Variants in CAST observed in about 807,000 individuals in gnomAD.
CAST encodes the protein MIR583 host.
A neutral mutation model predicts 119.6 loss-of-function variants in CAST; 76 were observed. That is an observed-to-expected ratio of 0.64 (90% confidence interval 0.53 to 0.77). The LOEUF (loss-of-function observed/expected upper bound fraction) is 0.77. Among genes scored for constraint, CAST ranks in the 30% least tolerant of loss-of-function variants. The probability of loss-of-function intolerance (pLI) is 0.00; values close to 1 mark genes in which losing one functional copy is unlikely to be tolerated. For missense variants in CAST, 953 were observed against 946.5 expected (o/e 1.01, Z -0.09); for synonymous variants, 319 against 331.6 (o/e 0.96, Z 0.41).
chr5:96,692,819 T>C (rs1752883864), intron 2 of CAST, among the ~76,000 whole-genome samples: 1 of 152,236 alleles, frequency 6.6e-6, no homozygotes, highest in Non-Finnish European at 1.5e-5. Context: ...GCTGAGTCTT[T>C]CTACTGGAAT....
the CAST span, among the ~76,000 whole-genome samples, chr5:96,431,176 C>T: frequency 1.3e-5 from 2 of 152,152 alleles, no homozygotes; most frequent in African/African-American, 4.8e-5. Flanking sequence ...CTCTGCTACT[C>T]ATACCCTCTT....
the CAST span, among the ~76,000 whole-genome samples, chr5:96,515,427 C>T: frequency 6.6e-6 from 1 of 151,968 alleles, no homozygotes; most frequent in Non-Finnish European, 1.5e-5. Flanking sequence ...TTGACAATGG[C>T]AGCTACACAG....
At chr5:96,213,601 T>A in the CAST span, 3 of 152,120 alleles carry the variant, frequency 2.0e-5, no homozygotes, top group African/African-American at 7.2e-5. Flanking sequence ...TTGGGCAATG[T>A]AGTGAGATCC....
chr5:96,705,804 G>A (rs1245497886), intron 3 of CAST, among the ~76,000 whole-genome samples: 1 of 152,100 alleles, frequency 6.6e-6, no homozygotes. Flanking sequence ...TGATAATGTA[G>A]CTATGACGTA....
the CAST span, among the ~76,000 whole-genome samples, chr5:96,244,547 A>G: frequency 6.6e-6 from 1 of 152,174 alleles, no homozygotes; most frequent in Non-Finnish European, 1.5e-5. Context: ...TAGATACCGG[A>G]CATTATTTGG....
chr5:96,425,711 T>A, the CAST span: 1 of 691,790 alleles, frequency 1.4e-6, no homozygotes, highest in Non-Finnish European at 2.6e-6. Flanking sequence ...TATAGCTCCC[T>A]ATGAAATTCT....
At chr5:96,256,828 G>A in the CAST span, among the ~76,000 whole-genome samples, 1 of 152,050 alleles carries the variant, frequency 6.6e-6, no homozygotes, top group Non-Finnish European at 1.5e-5. Context: ...TAAGCCTAAT[G>A]TTGTATTCCC....
chr5:96,196,797 T>C, the CAST span, among the ~76,000 whole-genome samples: 25,639 of 151,842 alleles, frequency 0.17, 3,548 homozygotes, highest in African/African-American at 0.37. Flanking sequence ...AATCAGGGAG[T>C]GAAATACCTT....
At chr5:96,585,322 A>T (rs187771) in intron 1 of CAST, among the ~76,000 whole-genome samples, 3 of 152,028 alleles carry the variant, frequency 2.0e-5, no homozygotes. Context: ...CCCACCTCCA[A>T]GTTTACTACC....
chr5:96,060,823 G>A, the CAST span, among the ~76,000 whole-genome samples: 1 of 152,080 alleles, frequency 6.6e-6, no homozygotes, highest in Non-Finnish European at 1.5e-5. Flanking sequence ...TAGACTGGGT[G>A]GCTTAAACAA....
chr5:96,043,341 AATT>A, the CAST span, among the ~76,000 whole-genome samples: 3 of 152,330 alleles, frequency 2.0e-5, no homozygotes, highest in African/African-American at 7.2e-5. Flanking sequence ...ATCAAATTGA[AATT>A]ATTTAAAACA....
At chr5:96,026,844 G>T in the CAST span, among the ~76,000 whole-genome samples, 315 of 152,146 alleles carry the variant, frequency 2.1e-3, 4 homozygotes, top group Non-Finnish European at 3.0e-3. Context: ...GATATGCTTA[G>T]TATTTGCAAA....
At chr5:96,528,300 T>C (rs894702961), upstream of CAST, among the ~76,000 whole-genome samples, 1 of 152,186 alleles carries the variant, frequency 6.6e-6, no homozygotes, top group Non-Finnish European at 1.5e-5. Flanking sequence ...AGTGTCATCC[T>C]GGGCTTAGAT....
At chr5:96,770,825 A>T (rs1772029951) in intron 30 of CAST, among the ~76,000 whole-genome samples, 1 of 152,096 alleles carries the variant, frequency 6.6e-6, no homozygotes, top group South Asian at 2.1e-4. Context: ...TCTTGACACA[A>T]CCCAATTTGC....
the CAST span, chr5:96,408,346 GA>G: frequency 6.4e-7 from 1 of 1,565,530 alleles, no homozygotes. Context: ...AGGAAGGAGA[GA>G]AAGGCAGGGA....
At chr5:96,519,759 A>G in the CAST span, among the ~76,000 whole-genome samples, 1 of 152,024 alleles carries the variant, frequency 6.6e-6, no homozygotes, top group African/African-American at 2.4e-5. Flanking sequence ...GGTGCTCGTG[A>G]TCATGCTTTG....
chr5:96,664,863 T>C (rs1300404773), intron 1 of CAST, among the ~76,000 whole-genome samples: 1 of 152,184 alleles, frequency 6.6e-6, no homozygotes, highest in Non-Finnish European at 1.5e-5. Context: ...TCAATTTGCT[T>C]TGAGTCATTA....
upstream of CAST, among the ~76,000 whole-genome samples, chr5:96,525,620 T>C (rs926326053): frequency 2.0e-5 from 3 of 152,212 alleles, no homozygotes; most frequent in Non-Finnish European, 4.4e-5. Context: ...TGTTAAATAC[T>C]TTTAGAGGTC....
chr5:96,085,599 A>G, the CAST span, among the ~76,000 whole-genome samples: 1 of 152,224 alleles, frequency 6.6e-6, no homozygotes, highest in South Asian at 2.1e-4. Flanking sequence ...AAAAGTGAGG[A>G]ACAAATAAAC....
Sources: allele counts gnomAD v4.1 joint callset (sites outside exome capture counted in the v4.1 genomes callset), GRCh38; gene constraint gnomAD v4.1.1; transcripts MANE v1.5; gene names NCBI Gene and HGNC (gene_info 2026-07-23, HGNC 2026-07-21).